DEUP1: variants seen among roughly 807,000 people sequenced by gnomAD.
The protein encoded by DEUP1 is coiled-coil domain containing 67.
DEUP1 carries 82 observed loss-of-function variants against 87.4 expected under a neutral mutation model. The observed-to-expected ratio is 0.94, with a 90% CI of 0.78 to 1.13. The LOEUF is 1.13. Ranked by LOEUF, DEUP1 falls within the 50% of genes most tolerant of loss-of-function variation. The pLI, the probability that DEUP1 is intolerant of heterozygous loss-of-function variation, is 0.00. For missense variants in DEUP1, 663 were observed against 681.5 expected (o/e 0.97, Z 0.30); for synonymous variants, 214 against 222.7 (o/e 0.96, Z 0.35).
intron 2 of DEUP1, among the ~76,000 whole-genome samples, chr11:93,347,841 G>A (rs1944433113): frequency 6.6e-6 from 1 of 152,166 alleles, no homozygotes; most frequent in Non-Finnish European, 1.5e-5. Flanking sequence ...CCAGGTTCAC[G>A]CCATTCTCCT....
intron 13 of DEUP1, among the ~76,000 whole-genome samples, chr11:93,433,708 C>T (rs1184923723): frequency 6.6e-6 from 1 of 152,028 alleles, no homozygotes; most frequent in Admixed American, 6.5e-5. Flanking sequence ...CTTGTGAAAG[C>T]GATTTACCGA....
intron 7 of DEUP1, among the ~76,000 whole-genome samples, chr11:93,373,624 CGTAT>C (rs1157918289): frequency 1.9e-4 from 15 of 78,882 alleles, no homozygotes; most frequent in East Asian, 9.6e-4. Context: ...TATATATATA[CGTAT>C]ATATATATAT....
upstream of DEUP1, chr11:93,330,728 T>TAG (rs1943427764): frequency 6.5e-6 from 1 of 152,724 alleles, no homozygotes; most frequent in South Asian, 1.8e-4. Flanking sequence ...TACGCGGTCC[T>TAG]GCGCCCTCGC....
At chr11:93,359,317 C>T (rs1352387840) in intron 4 of DEUP1, among the ~76,000 whole-genome samples, 2 of 152,140 alleles carry the variant, frequency 1.3e-5, no homozygotes, top group African/African-American at 4.8e-5. Context: ...TCAAAGCTTC[C>T]TTTTAGAAAT....
At chr11:93,359,290 T>A (rs1396217977) in intron 4 of DEUP1, among the ~76,000 whole-genome samples, 3 of 152,194 alleles carry the variant, frequency 2.0e-5, no homozygotes, top group African/African-American at 7.2e-5. Flanking sequence ...CACCCTGCCT[T>A]GAATAACTCA....
intron 13 of DEUP1, among the ~76,000 whole-genome samples, chr11:93,428,628 A>G (rs1175182642): frequency 6.6e-6 from 1 of 152,138 alleles, no homozygotes; most frequent in Non-Finnish European, 1.5e-5. Context: ...TTTATAACAA[A>G]ACCATCACAT....
chr11:93,370,923 A>T, intron 6 of DEUP1, 115 bp from the exon 7 acceptor site: 1 of 929,138 alleles, frequency 1.1e-6, no homozygotes, highest in Non-Finnish European at 1.6e-6. Context: ...AACTTTCATT[A>T]TGTAGTAACA....
intron 13 of DEUP1, among the ~76,000 whole-genome samples, chr11:93,417,469 AC>A (rs1947684676): frequency 6.6e-6 from 1 of 152,202 alleles, no homozygotes; most frequent in African/African-American, 2.4e-5. Context: ...AATCCAACTT[AC>A]AAGGGAAGTG....
Position 93,373,635 on chromosome 11 carries a change from A to G in DEUP1, c.789+2355A>G, listed in dbSNP as rs1192767909. Among the ~76,000 whole-genome samples, 439 of 145,890 alleles carry G rather than the reference A, an allele frequency of 3.0e-3. 3 individuals carry two copies. Among genetic ancestry groups the G allele is most frequent in the African/African-American group, 9.9e-3 (390 of 39,344 alleles). On this transcript the variant is annotated intron_variant, in intron 7 of 13. Transcript: ENST00000298050. ...TATGTATATATATACGTATATATAT[A>G]TATATATATATATATACGTATATAT...
In DEUP1 at chr11:93,417,443, T is replaced by G. The variant is rs1326266286; in HGVS notation, c.1638+2329T>G. Among the ~76,000 whole-genome samples the G allele has an allele frequency of 5.0e-4, 76 of 151,762 alleles. No individual in the cohort carries two copies. In the East Asian group the frequency reaches 6.6e-3, roughly 13 times the overall value. ...CTCCCATTCACAATTGCTTCAAAGATAATAAAATACCTAGGAATCCAACTT... is the reference window on the plus strand; with the variant it reads ...CTCCCATTCACAATTGCTTCAAAGAGAATAAAATACCTAGGAATCCAACTT... On this transcript the variant is annotated intron_variant, in intron 13 of 13. Coordinates refer to ENST00000298050, the MANE Select transcript of DEUP1 (RefSeq NM_181645.4).
At chr11:93,339,828 C>T (rs1943968696) in intron 2 of DEUP1, among the ~76,000 whole-genome samples, 1 of 152,150 alleles carries the variant, frequency 6.6e-6, no homozygotes, top group Admixed American at 6.5e-5. Context: ...CTGTCACCCC[C>T]ACCCAGCAGT....
intron 13 of DEUP1, among the ~76,000 whole-genome samples, chr11:93,417,509 C>T (rs1947686293): frequency 6.6e-6 from 1 of 152,172 alleles, no homozygotes; most frequent in Non-Finnish European, 1.5e-5. Flanking sequence ...AACTACAAAC[C>T]ACTGCTCAAT....
At chr11:93,409,088 C>G (rs902671239) in intron 12 of DEUP1, among the ~76,000 whole-genome samples, 1 of 152,080 alleles carries the variant, frequency 6.6e-6, no homozygotes, top group African/African-American at 2.4e-5. Context: ...AACTCCTGAC[C>G]GCAAGTGATC....
intron 7 of DEUP1, among the ~76,000 whole-genome samples, chr11:93,372,544 A>G (rs771550640): frequency 6.6e-6 from 1 of 152,182 alleles, no homozygotes; most frequent in Non-Finnish European, 1.5e-5. Context: ...TTGGGATTAT[A>G]TAGGGAGTTA....
chr11:93,338,302 G>A (rs1591076401), intron 2 of DEUP1, among the ~76,000 whole-genome samples: 1 of 151,478 alleles, frequency 6.6e-6, no homozygotes, highest in South Asian at 2.1e-4. Flanking sequence ...ATAGGCCAGC[G>A]TATTCCAGGG....
At chr11:93,437,399 G>A in intron 13 of DEUP1, 144 bp from the exon 14 acceptor site, 1 of 605,398 alleles carries the variant, frequency 1.7e-6, no homozygotes, top group Non-Finnish European at 2.9e-6. Flanking sequence ...AATTACACTA[G>A]TAGTGGGAAT....
intron 12 of DEUP1, among the ~76,000 whole-genome samples, chr11:93,410,664 T>G (rs1947409440): frequency 1.3e-5 from 2 of 152,178 alleles, no homozygotes; most frequent in Non-Finnish European, 2.9e-5. Flanking sequence ...GAGAATAACT[T>G]TGAAAGCTTT....
intron 13 of DEUP1, among the ~76,000 whole-genome samples, chr11:93,427,228 T>A (rs1947949874): frequency 6.6e-6 from 1 of 150,666 alleles, no homozygotes; most frequent in Non-Finnish European, 1.5e-5. Context: ...CAAACTATAC[T>A]ACAAGGCTAC....
At chr11:93,392,178 C>A (rs1946784584) in intron 9 of DEUP1, among the ~76,000 whole-genome samples, 1 of 152,188 alleles carries the variant, frequency 6.6e-6, no homozygotes, top group Non-Finnish European at 1.5e-5. Flanking sequence ...TTTTTCTGAT[C>A]TCACTCTAGG....
Sources: allele counts gnomAD v4.1 joint callset (sites outside exome capture counted in the v4.1 genomes callset), GRCh38; gene constraint gnomAD v4.1.1; transcripts MANE v1.5; gene names NCBI Gene and HGNC (gene_info 2026-07-23, HGNC 2026-07-21).